The following DYRK4 variants were observed in gnomAD, a reference collection of about 807,000 sequenced individuals.
DYRK4 encodes dual specificity tyrosine-phosphorylation-regulated kinase 4.
Under a neutral mutation model 68.3 loss-of-function variants are expected in DYRK4, and 64 were observed. The ratio of observed to expected loss-of-function variants is 0.94; its 90% CI spans 0.77 to 1.15. The LOEUF (loss-of-function observed/expected upper bound fraction) is 1.15, where lower values mean the gene tolerates loss of function less well. Ranked by LOEUF, DYRK4 falls within the 50% of genes most tolerant of loss-of-function variation. The pLI is 0.00. For missense variants in DYRK4, 740 were observed against 764.7 expected (o/e 0.97, Z 0.38); for synonymous variants, 274 against 289.9 (o/e 0.95, Z 0.56).
chr12:4,572,410 T>TAGCAA (rs1196014046), intron 2 of DYRK4, among the ~76,000 whole-genome samples: 1 of 151,962 alleles, frequency 6.6e-6, no homozygotes, highest in Non-Finnish European at 1.5e-5. Context: ...GCCTCCGGAG[T>TAGCAA]AGCTGGGACT....
intron 2 of DYRK4, chr12:4,580,797 AT>A (rs747948305): frequency 0.24 from 81,270 of 337,104 alleles, no homozygotes; most frequent in South Asian, 0.38. Context: ...GCACTTAGGG[AT>A]TTTTTTTTTT....
intron 10 of DYRK4, among the ~76,000 whole-genome samples, chr12:4,600,681 C>T (rs1278627707): frequency 6.6e-6 from 1 of 151,146 alleles, no homozygotes; most frequent in Non-Finnish European, 1.5e-5. Flanking sequence ...AAGAGATACA[C>T]AAGGCAAAGT....
chr12:4,590,222 T>G (rs1944938099), intron 3 of DYRK4, 108 bp from the exon 4 acceptor site: 23 of 1,446,962 alleles, frequency 1.6e-5, no homozygotes, highest in Non-Finnish European at 1.9e-5. Flanking sequence ...AGATTGGGGT[T>G]AGGCTCATTC....
chr12:4,587,804 T>C (rs1298423620), intron 2 of DYRK4, among the ~76,000 whole-genome samples: 1 of 152,232 alleles, frequency 6.6e-6, no homozygotes, highest in African/African-American at 2.4e-5. Flanking sequence ...TATTAAGTGT[T>C]GTACCCAGTT....
At chr12:4,609,080 A>G (rs963466489) in intron 12 of DYRK4, among the ~76,000 whole-genome samples, 2 of 152,204 alleles carry the variant, frequency 1.3e-5, no homozygotes, top group Admixed American at 6.5e-5. Context: ...AAGGGAACAC[A>G]GAGCACCTTC....
At chr12:4,594,245 GT>G (rs1565538613) in intron 6 of DYRK4, among the ~76,000 whole-genome samples, 2 of 152,266 alleles carry the variant, frequency 1.3e-5, no homozygotes, top group South Asian at 2.1e-4. Flanking sequence ...ATGTATATAT[GT>G]TTTTTGAGAT....
Position 4,604,965 on chromosome 12 carries a change from GCCA to G in DYRK4, c.1181_1183del (p.His394del). The G allele has an allele frequency of 6.2e-7, 1 of 1,613,470 alleles. No individual in the cohort carries two copies. Among genetic ancestry groups the G allele is most frequent in the Non-Finnish European group, 8.5e-7 (1 of 1,179,586 alleles). On this transcript the variant is annotated inframe_deletion, in exon 11 of 15. Coordinates refer to ENST00000543431, the MANE Select transcript of DYRK4 (RefSeq NM_001394779.1). ...TACCGATCCCCAGAAGTGATCCTGG[GCCA>G]CCCCTACGACGTGGCCATTGACATG...
chr12:4,565,801 G>C (rs1222962179), intron 1 of DYRK4, among the ~76,000 whole-genome samples: 2 of 151,516 alleles, frequency 1.3e-5, no homozygotes, highest in African/African-American at 4.9e-5. Flanking sequence ...AACTTCTTTT[G>C]TATTTTTAGT....
intron 2 of DYRK4, among the ~76,000 whole-genome samples, chr12:4,570,628 T>C (rs1944721864): frequency 1.3e-5 from 2 of 152,250 alleles, no homozygotes. Context: ...GATCTCACCA[T>C]GTCTACTGCC....
At chr12:4,610,415 T>A in intron 13 of DYRK4, 131 bp downstream of exon 13, 1 of 961,774 alleles carries the variant, frequency 1.0e-6, no homozygotes, top group Non-Finnish European at 1.5e-6. Flanking sequence ...AATAGAGCTT[T>A]AAAGTCTACA....
chr12:4,596,343 C>A (rs529702749), intron 7 of DYRK4, 58 bp downstream of exon 7: 31 of 1,605,582 alleles, frequency 1.9e-5, no homozygotes, highest in Middle Eastern at 1.7e-4. Context: ...GTGGCCCCTG[C>A]AGAATGCCAG....
In DYRK4 at chr12:4,588,467, A is replaced by G. The variant is rs549995643; in HGVS notation, c.133-470A>G. On this transcript the variant is annotated intron_variant, in intron 2 of 14. Coordinates refer to ENST00000543431, the MANE Select transcript of DYRK4 (RefSeq NM_001394779.1). The stretch of plus-strand genomic sequence containing the variant: ...CTTCTCCTCACCCTTCTAGGCGTGA[A>G]GTCTCTTCTGATCAGGGCACTGGTG... Among the ~76,000 whole-genome samples the G allele has an allele frequency of 2.0e-5, 3 of 152,312 alleles. No homozygotes were observed. The East Asian group carries it at 5.8e-4, about 29-fold the overall frequency.
At chr12:4,562,416 T>C (rs1944636281) in intron 1 of DYRK4, 133 bp downstream of exon 1, 1 of 1,187,188 alleles carries the variant, frequency 8.4e-7, no homozygotes, top group African/African-American at 1.6e-5. Flanking sequence ...CCGGGGAATG[T>C]GGGTCAGAGA....
chr12:4,602,943 C>A, intron 10 of DYRK4: 1 of 840,752 alleles, frequency 1.2e-6, no homozygotes, highest in Non-Finnish European at 1.9e-6. Context: ...ACTTCCAGAT[C>A]AACTAATTTG....
chr12:4,610,568 T>C (rs1469047006), intron 13 of DYRK4: 6 of 219,662 alleles, frequency 2.7e-5, no homozygotes, highest in African/African-American at 4.6e-5. Flanking sequence ...CAGCGTATGG[T>C]AGAGTTTGTC....
chr12:4,602,731 T>G, intron 10 of DYRK4: 1 of 1,513,144 alleles, frequency 6.6e-7, no homozygotes, highest in South Asian at 1.1e-5. Flanking sequence ...CAATGTCTTG[T>G]AAATTCAGAA....
chr12:4,579,651 A>C (rs1944822054), intron 2 of DYRK4, among the ~76,000 whole-genome samples: 1 of 152,238 alleles, frequency 6.6e-6, no homozygotes, highest in African/African-American at 2.4e-5. Flanking sequence ...AATCGATAGA[A>C]ATAGAGCCTT....
chr12:4,613,029 T>G lies in DYRK4; in HGVS notation c.1666+311T>G. The G allele has an allele frequency of 3.0e-6, 1 of 337,456 alleles. No homozygotes were observed. The highest frequency in any genetic ancestry group is 5.5e-6 in the Non-Finnish European group (1 of 182,126). The allele number at this position is 337,456 out of a possible 1,614,324, so 20.9% of individuals were successfully genotyped here. ...GATCTTTTTTGCCCCTTATTAGGAT[T>G]TTCCATTTTTCTCCTATAATCAATT... On this transcript the variant is annotated intron_variant, in intron 14 of 14. Coordinates refer to ENST00000543431, the MANE Select transcript of DYRK4 (RefSeq NM_001394779.1). This position sits in a 1 kb window ranked among gnomAD's most constrained non-coding sequence, Gnocchi z 4.0.
chr12:4,578,268 T>C (rs1278170928), intron 2 of DYRK4, among the ~76,000 whole-genome samples: 7 of 152,092 alleles, frequency 4.6e-5, no homozygotes, highest in Admixed American at 3.3e-4. Flanking sequence ...CCTTGTTTTA[T>C]CCTCTACGTC....
Sources: gnomAD v4.1 joint callset for allele counts (sites outside exome capture counted in the v4.1 genomes callset) on GRCh38, gnomAD v4.1.1 for gene constraint, Gnocchi (gnomAD v3.1) non-coding constraint, MANE v1.5 for transcripts, NCBI Gene and HGNC (gene_info 2026-07-23, HGNC 2026-07-21) for gene names.